AXIN1: variants seen among roughly 807,000 people sequenced by gnomAD.
AXIN1 encodes axin 1, also known as axin-1.
In AXIN1, 30 loss-of-function variants were observed where a neutral mutation model predicts 76.4. That is an observed-to-expected ratio of 0.39 (90% CI 0.29 to 0.53). The LOEUF (loss-of-function observed/expected upper bound fraction) is 0.53. Among genes scored for constraint, AXIN1 ranks in the 20% least tolerant of loss-of-function variants. AXIN1 has a pLI of 0.66. For missense variants in AXIN1, 1,140 were observed against 1,198.8 expected (o/e 0.95, Z 0.72); for synonymous variants, 545 against 501.4 (o/e 1.09, Z -1.16).
intron 2 of AXIN1, among the ~76,000 whole-genome samples, chr16:327,168 C>T (rs922523095): frequency 2.6e-5 from 4 of 151,822 alleles, no homozygotes; most frequent in African/African-American, 9.7e-5. Flanking sequence ...CCAGCACCCC[C>T]ATCAGGTCCC....
intron 2 of AXIN1, among the ~76,000 whole-genome samples, chr16:320,939 C>T (rs963212323): frequency 3.3e-5 from 5 of 151,894 alleles, no homozygotes; most frequent in African/African-American, 4.8e-5. Flanking sequence ...AAGGTTTCGC[C>T]GTGTTGGTCA....
chr16:313,696 A>G (rs1409319720), intron 3 of AXIN1, among the ~76,000 whole-genome samples: 1 of 152,246 alleles, frequency 6.6e-6, no homozygotes, highest in Non-Finnish European at 1.5e-5. Flanking sequence ...CCAAAACCCC[A>G]AATGACCCCC....
intron 1 of AXIN1, among the ~76,000 whole-genome samples, chr16:350,363 T>TG (rs1335675661): frequency 3.3e-5 from 5 of 152,222 alleles, no homozygotes; most frequent in African/African-American, 1.2e-4. Context: ...ATCAAATGCC[T>TG]GCAAGCACTG....
chr16:310,779 C>G (rs2053156959), intron 3 of AXIN1, among the ~76,000 whole-genome samples: 1 of 152,264 alleles, frequency 6.6e-6, no homozygotes, highest in Non-Finnish European at 1.5e-5. Flanking sequence ...CACATATTCA[C>G]TGCCAGCCCT....
rs529871336 is a variant in AXIN1 at position 295,962 on chromosome 16, G to A, written c.1955+1094C>T. 2.3e-3 allele frequency among the ~76,000 whole-genome samples: 300 copies of A among 130,200 alleles called. 2 individuals are homozygous for A. The highest frequency in any genetic ancestry group is 8.6e-3 in the African/African-American group (274 of 31,856). The allele number at this position is 130,200 out of a possible 152,430, so 85.4% of individuals were successfully genotyped here. On this transcript the variant is annotated intron_variant, in intron 7 of 10. Transcript: ENST00000262320. ...AGCCCGGGCGACAGAGCTAGACTCC[G>A]TCTCAAAAAAAAAGACTCGAAGGCC...
chr16:330,343 T>C (rs2053669367), intron 2 of AXIN1, among the ~76,000 whole-genome samples: 1 of 151,798 alleles, frequency 6.6e-6, no homozygotes, highest in African/African-American at 2.4e-5. Context: ...GGATTACAGA[T>C]GTGAGCCACT....
rs2141593185 is a variant in AXIN1 at position 314,600 on chromosome 16, C to T, written c.962G>A (p.Ser321Asn). 1 of 1,614,018 alleles carries T rather than the reference C, an allele frequency of 6.2e-7. No individual in the cohort carries two copies. The highest frequency in any genetic ancestry group is 8.5e-7 in the Non-Finnish European group (1 of 1,179,992). Residue 321 changes from serine to asparagine, a missense_variant, in exon 3 of 11, where the codon AGC becomes AAC. This residue lies in a region of AXIN1 where 708 missense variants were observed against 776.9 expected (regional missense o/e 0.91). Transcript: ENST00000262320. Reference protein sequence around the residue: ...ALAPATSANDSEQQSLSSDAD... With the variant: ...ALAPATSANDNEQQSLSSDAD... ...ATCGCTGGACAGGCTCTGCTGCTCG[C>T]TGTCGTTGGCACTGGTGGCTGGGGC...
At chr16:320,981 G>A (rs1332043219) in intron 2 of AXIN1, among the ~76,000 whole-genome samples, 3 of 152,116 alleles carry the variant, frequency 2.0e-5, no homozygotes, top group African/African-American at 4.8e-5. Flanking sequence ...CTTGTGATCT[G>A]CCCGCCTCGG....
Position 312,537 on chromosome 16 carries a change from G to A in AXIN1, c.1019+2006C>T, listed in dbSNP as rs369578532. ...CCAGATGCTAGGATGCATGTCAGGC[G>A]CTCCGTGGGCTGCACTGCACCCAAC... On this transcript the variant is annotated intron_variant, in intron 3 of 10. Transcript: ENST00000262320. Among the ~76,000 whole-genome samples, 69 of 152,318 alleles carry A rather than the reference G, an allele frequency of 4.5e-4. No individual in the cohort carries two copies. The South Asian group carries it at 6.4e-3, about 14-fold the overall frequency.
At chr16:309,922 C>T (rs369249132) in intron 4 of AXIN1, 51 bp downstream of exon 4, 1 of 1,582,102 alleles carries the variant, frequency 6.3e-7, no homozygotes, top group Non-Finnish European at 8.7e-7. Context: ...TCACCAGGCC[C>T]ACGCTGAGCG....
intron 2 of AXIN1, among the ~76,000 whole-genome samples, chr16:323,391 A>G (rs1329611028): frequency 1.4e-5 from 2 of 146,288 alleles, no homozygotes; most frequent in Non-Finnish European, 3.0e-5. Flanking sequence ...GTGAGCCGAG[A>G]TCGCGCCACT....
chr16:290,980 T>C, intron 9 of AXIN1: 1 of 627,254 alleles, frequency 1.6e-6, no homozygotes, highest in Non-Finnish European at 2.9e-6. Context: ...CTTGTCATCA[T>C]GCTGGACAGT....
intron 9 of AXIN1, chr16:290,744 G>A (rs929788471): frequency 3.9e-5 from 13 of 329,176 alleles, no homozygotes; most frequent in Non-Finnish European, 6.0e-5. Context: ...GACTGCACGG[G>A]CTGGACAGAC....
chr16:329,902 G>A (rs2053660299), intron 2 of AXIN1, among the ~76,000 whole-genome samples: 1 of 151,870 alleles, frequency 6.6e-6, no homozygotes, highest in African/African-American at 2.4e-5. Context: ...CAGAGTGCTG[G>A]GATAACAGGC....
rs575851492 is a variant in AXIN1, at chr16:289,576, T to A, written c.2326A>T (p.Ser776Cys). ...ACGATGCTGTCACACGGCTGGGCAC[T>A]CCCGCCGCCCACCTTCCTCTGCGAT... ...TRSQRKVGGGSAQPCDSIVVA... is the reference protein window; with the variant it reads ...TRSQRKVGGGCAQPCDSIVVA... The change falls in exon 10 of 11, where the codon AGT (serine) becomes TGT (cysteine). Residue 776 changes from serine (S) to cysteine (C), a missense_variant. Physicochemically the swap from Ser to Cys is moderately radical, Grantham distance 112. Coordinates refer to ENST00000262320, the MANE Select transcript of AXIN1 (RefSeq NM_003502.4). 3.7e-6 allele frequency: 6 copies of A among 1,612,882 alleles called. No individual in the cohort carries two copies. The highest frequency in any genetic ancestry group is 1.7e-5 in the Admixed American group (1 of 60,008).
Position 289,412 on chromosome 16 carries a change from G to A in AXIN1, c.2462+28C>T, listed in dbSNP as rs890629544. 3.1e-6 allele frequency: 5 copies of A among 1,612,152 alleles called. No individual in the cohort carries two copies. In the African/African-American group the frequency reaches 5.3e-5, roughly 17 times the overall value. On this transcript the variant is annotated intron_variant, in intron 10 of 10. Coordinates refer to ENST00000262320, the MANE Select transcript of AXIN1 (RefSeq NM_003502.4). ...TTGGGCACCCACATACTCGTGCGGG[G>A]AGGGGGCACCCCAGCCCTCACACTC...
At chr16:351,175 C>T (rs1042969298) in intron 1 of AXIN1, among the ~76,000 whole-genome samples, 3 of 151,040 alleles carry the variant, frequency 2.0e-5, no homozygotes, top group African/African-American at 4.9e-5. Context: ...CTGAGTATCT[C>T]GGGTAGCCGG....
intron 1 of AXIN1, among the ~76,000 whole-genome samples, chr16:349,341 C>T (rs1204546108): frequency 2.0e-5 from 3 of 152,128 alleles, no homozygotes; most frequent in South Asian, 2.1e-4. Flanking sequence ...GCAGTCACTC[C>T]GTGAGCCACA....
rs771766519 is a variant in AXIN1 at position 288,261 on chromosome 16, G to C, written c.2463-13C>G. ...CTTGAAGTAGTATCTGCAGGACGGA[G>C]GTGAGGAGGGCAGTGAGCAGGCAGC... On this transcript the variant is annotated splice_polypyrimidine_tract_variant and intron_variant, in intron 10 of 10. Transcript: ENST00000262320. The C allele has an allele frequency of 7.4e-6, 12 of 1,613,454 alleles. 1 individual carries two copies. The highest frequency in any genetic ancestry group is 1.6e-4 in the Middle Eastern group (1 of 6,062).
Sources: gnomAD v4.1 joint callset for allele counts (sites outside exome capture counted in the v4.1 genomes callset) on GRCh38, gnomAD v4.1.1 for gene constraint, gnomAD v4.1.1 regional missense constraint, MANE v1.5 for transcripts, NCBI Gene and HGNC (gene_info 2026-07-23, HGNC 2026-07-21) for gene names.